The following TRIM55 variants were observed in gnomAD, a reference collection of about 807,000 sequenced individuals.
TRIM55 encodes tripartite motif-containing protein 55.
TRIM55 carries 50 observed loss-of-function variants against 60.9 expected under a neutral mutation model. The ratio of observed to expected loss-of-function variants is 0.82; its 90% confidence interval spans 0.65 to 1.04. The LOEUF (loss-of-function observed/expected upper bound fraction) is 1.04. TRIM55 is among the 50% of genes least tolerant of loss of function. The pLI is 0.00. For synonymous variants in TRIM55, 237 were observed against 238.1 expected (o/e 1.00, Z 0.04); for missense variants, 681 against 666.9 (o/e 1.02, Z -0.23).
chr8:66,133,746 C>A (rs1448670207), intron 2 of TRIM55, among the ~76,000 whole-genome samples: 1 of 152,198 alleles, frequency 6.6e-6, no homozygotes, highest in African/African-American at 2.4e-5. Flanking sequence ...CTTACAGAGG[C>A]ACATCAGCAC....
intron 4 of TRIM55, among the ~76,000 whole-genome samples, chr8:66,148,015 A>G (rs1198793071): frequency 2.0e-5 from 3 of 152,192 alleles, no homozygotes; most frequent in Non-Finnish European, 4.4e-5. Context: ...AAGGGTATAG[A>G]ATGGTCAGAG....
At chr8:66,117,854 T>A in the TRIM55 span, among the ~76,000 whole-genome samples, 13 of 151,946 alleles carry the variant, frequency 8.6e-5, no homozygotes, top group Non-Finnish European at 1.6e-4. Context: ...ATGTAATGAG[T>A]GTTTCTTATT....
chr8:66,160,001 T>G (rs2128983825), intron 9 of TRIM55, among the ~76,000 whole-genome samples: 1 of 152,276 alleles, frequency 6.6e-6, no homozygotes, highest in South Asian at 2.1e-4. Flanking sequence ...TCTTTTAATT[T>G]TTTATTTTTT....
At chr8:66,171,515 T>A (rs926988568) in intron 9 of TRIM55, among the ~76,000 whole-genome samples, 5 of 152,208 alleles carry the variant, frequency 3.3e-5, no homozygotes, top group Non-Finnish European at 7.3e-5. Flanking sequence ...ATATGGACTA[T>A]CAATCTGTTG....
chr8:66,125,962 C>T (rs1414951918), upstream of TRIM55, among the ~76,000 whole-genome samples: 1 of 152,122 alleles, frequency 6.6e-6, no homozygotes, highest in African/African-American at 2.4e-5. Context: ...TATTTTTGAT[C>T]TGATTTAAAC....
At chr8:66,124,195 A>G (rs1205065508), upstream of TRIM55, among the ~76,000 whole-genome samples, 2 of 152,118 alleles carry the variant, frequency 1.3e-5, no homozygotes, top group African/African-American at 2.4e-5. Context: ...CACCTGGACT[A>G]TTGGCAACAG....
At chr8:66,131,487 G>C (rs1322123916) in intron 2 of TRIM55, among the ~76,000 whole-genome samples, 1 of 152,164 alleles carries the variant, frequency 6.6e-6, no homozygotes, top group Non-Finnish European at 1.5e-5. Context: ...TAGACAATTA[G>C]GACTGAGCCC....
intron 9 of TRIM55, 25 bp from the exon 10 acceptor site, chr8:66,174,446 T>G: frequency 6.2e-7 from 1 of 1,607,050 alleles, no homozygotes. Context: ...CTTTTTTCTC[T>G]GATTCCCATT....
At chr8:66,130,801 CA>C (rs1563633698) in intron 2 of TRIM55, among the ~76,000 whole-genome samples, 4 of 151,816 alleles carry the variant, frequency 2.6e-5, no homozygotes, top group African/African-American at 7.3e-5. Context: ...GCTGGGACTA[CA>C]GGCACCTGCC....
rs756807729 is a variant in TRIM55, at chr8:66,152,584, C to A, written c.1193C>A (p.Pro398Gln). The A allele has an allele frequency of 5.0e-6, 8 of 1,613,986 alleles. No individual in the cohort carries two copies. The highest frequency in any genetic ancestry group is 6.8e-6 in the Non-Finnish European group (8 of 1,180,038). The change falls in exon 8 of 10, where the codon CCA (proline) becomes CAA (glutamine). Residue 398 changes from proline (P) to glutamine (Q), a missense_variant. Pro to Gln is a moderately conservative substitution (Grantham distance 76, BLOSUM62 -1). Transcript: ENST00000315962. ...GCACTTCCAGTTTCCTCTCCAGAGC[C>A]ACCTCCAGCCCTGCCACCTGCTGCG... ...PGALPVSSPE[P>Q]PPALPPAADA... is the part of the protein sequence containing the mutation.
At chr8:66,145,222 T>A (rs1459268023) in intron 4 of TRIM55, among the ~76,000 whole-genome samples, 1 of 152,202 alleles carries the variant, frequency 6.6e-6, no homozygotes, top group Non-Finnish European at 1.5e-5. Context: ...GAGACTTCAT[T>A]TCATGGAGTA....
rs762174689 is a variant in TRIM55 at position 66,167,812 on chromosome 8, G to C, written c.1525-6659G>C. ...CATCCAGGCTAGAATGCAGTGGTGT[G>C]ATCATAGCTCATTACAACCTTGAAC... is the stretch of plus-strand genomic sequence containing the variant. On this transcript the variant is annotated intron_variant, in intron 9 of 9. Coordinates refer to ENST00000315962, the MANE Select transcript of TRIM55 (RefSeq NM_184085.2). Among the ~76,000 whole-genome samples the C allele has an allele frequency of 3.6e-4, 54 of 152,032 alleles. 1 individual carries two copies. The highest frequency in any genetic ancestry group is 1.5e-4 in the Non-Finnish European group (10 of 68,004).
At chr8:66,136,724 T>C (rs773034129) in intron 3 of TRIM55, among the ~76,000 whole-genome samples, 3 of 152,238 alleles carry the variant, frequency 2.0e-5, no homozygotes, top group Admixed American at 2.0e-4. Flanking sequence ...GTTGAATAAA[T>C]GAGTATTTAC....
At chr8:66,162,159 G>T (rs114771958) in intron 9 of TRIM55, among the ~76,000 whole-genome samples, 168 of 152,026 alleles carry the variant, frequency 1.1e-3, no homozygotes, top group African/African-American at 3.9e-3. Flanking sequence ...TGGGTTTGTT[G>T]TAAATGGTTT....
chr8:66,131,989 T>C (rs1421116177), intron 2 of TRIM55, among the ~76,000 whole-genome samples: 1 of 152,228 alleles, frequency 6.6e-6, no homozygotes, highest in Non-Finnish European at 1.5e-5. Flanking sequence ...CATACATACA[T>C]ATATAAATAC....
chr8:66,164,593 C>T (rs888733906), intron 9 of TRIM55, among the ~76,000 whole-genome samples: 6 of 152,156 alleles, frequency 3.9e-5, no homozygotes, highest in Admixed American at 2.6e-4. Context: ...TAGTCCCTTC[C>T]CCTTTCCCAA....
chr8:66,142,599 A>G (rs1468218384), intron 4 of TRIM55, among the ~76,000 whole-genome samples: 22 of 152,246 alleles, frequency 1.4e-4, no homozygotes, highest in Admixed American at 1.4e-3. Flanking sequence ...CAGAAAAACC[A>G]AAATGCCAAG....
chr8:66,142,073 A>G (rs867745900), intron 4 of TRIM55, among the ~76,000 whole-genome samples: 4 of 152,328 alleles, frequency 2.6e-5, no homozygotes, highest in South Asian at 4.1e-4. Flanking sequence ...CCTCAGCGTT[A>G]CAGTGGGGAT....
At chr8:66,138,654 G>T (rs1285437108) in intron 4 of TRIM55, among the ~76,000 whole-genome samples, 32 of 152,340 alleles carry the variant, frequency 2.1e-4, no homozygotes, top group Non-Finnish European at 7.3e-5. Flanking sequence ...CTCCCAAAGT[G>T]CTGGGATCAC....
Sources: gnomAD v4.1 joint callset for allele counts (sites outside exome capture counted in the v4.1 genomes callset) on GRCh38, gnomAD v4.1.1 for gene constraint, MANE v1.5 for transcripts, NCBI Gene and HGNC (gene_info 2026-07-23, HGNC 2026-07-21) for gene names.